Variants in BBS5 observed in about 807,000 individuals in gnomAD.
BBS5 encodes Bardet-Biedl syndrome 5.
In BBS5, 39 loss-of-function variants were observed where a neutral mutation model predicts 50.2. That is an observed-to-expected ratio of 0.78 (90% confidence interval 0.60 to 1.01). The LOEUF (loss-of-function observed/expected upper bound fraction) is 1.01, where lower values mean the gene tolerates loss of function less well. Ranked by LOEUF, BBS5 falls within the 50% of genes least tolerant of loss-of-function variation. The probability of loss-of-function intolerance (pLI) is 0.00; values close to 1 mark genes in which losing one functional copy is unlikely to be tolerated. For missense variants in BBS5, 356 were observed against 401.5 expected (o/e 0.89, Z 0.97); for synonymous variants, 134 against 133.1 (o/e 1.01, Z -0.05).
intron 2 of BBS5, among the ~76,000 whole-genome samples, chr2:169,482,971 A>G (rs879769282): frequency 2.0e-5 from 3 of 152,186 alleles, no homozygotes; most frequent in Admixed American, 2.0e-4. Context: ...TCTTGAAAGC[A>G]TCATTACTTC....
At chr2:169,495,274 G>A (rs946068591) in intron 7 of BBS5, among the ~76,000 whole-genome samples, 1 of 152,198 alleles carries the variant, frequency 6.6e-6, no homozygotes, top group Non-Finnish European at 1.5e-5. Context: ...ACAAATTGGT[G>A]TTTGTATTGC....
chr2:169,506,464 T>C lies in BBS5; in HGVS notation c.*1882T>C, dbSNP rs546680476. On this transcript the variant is annotated 3_prime_UTR_variant, in exon 12 of 12. Transcript: ENST00000295240. ...TCATTTTGTTCTGTACTAAGAAAAA[T>C]TCTTACCCTAAAACTTAAAGTATAA... 318 of 155,362 alleles carry C rather than the reference T, an allele frequency of 2.0e-3. 1 individual carries two copies. The highest frequency in any genetic ancestry group is 6.5e-3 in the Middle Eastern group (2 of 310). 9.6% of individuals were successfully genotyped at this position (155,362 alleles called of 1,614,324 possible). A position where few individuals can be genotyped will look rare whatever the true frequency, so the allele number is the denominator to read the frequency against.
chr2:169,496,024 A>T (rs907296947), intron 7 of BBS5, among the ~76,000 whole-genome samples: 3 of 152,184 alleles, frequency 2.0e-5, no homozygotes, highest in African/African-American at 7.2e-5. Flanking sequence ...AGGTTTTCGT[A>T]ACAATTATCA....
At chr2:169,481,410 T>C (rs1683394383) in intron 1 of BBS5, among the ~76,000 whole-genome samples, 1 of 152,160 alleles carries the variant, frequency 6.6e-6, no homozygotes, top group Non-Finnish European at 1.5e-5. Context: ...AAAGGCAGGG[T>C]CTGCTGCAGA....
intron 7 of BBS5, among the ~76,000 whole-genome samples, chr2:169,496,676 C>T (rs1352273242): frequency 1.3e-5 from 2 of 151,584 alleles, no homozygotes; most frequent in East Asian, 2.0e-4. Context: ...GAGACCATCC[C>T]GGCTAAAACG....
intron 8 of BBS5, among the ~76,000 whole-genome samples, chr2:169,498,156 TAC>T (rs201544553): frequency 1.4e-4 from 21 of 152,288 alleles, no homozygotes; most frequent in East Asian, 9.6e-4. Flanking sequence ...TATATTTGTG[TAC>T]ACACACACAG....
chr2:169,480,319 G>A (rs1683366924), intron 1 of BBS5, among the ~76,000 whole-genome samples: 1 of 152,192 alleles, frequency 6.6e-6, no homozygotes, highest in Admixed American at 6.5e-5. Flanking sequence ...ATCCAGGGCG[G>A]GAAATGCCGG....
In BBS5 at chr2:169,497,657, G is replaced by T. The variant is rs1427534237; in HGVS notation, c.649G>T (p.Gly217Cys). 2 of 1,599,296 alleles carry T rather than the reference G, an allele frequency of 1.3e-6. No homozygotes were observed. The highest frequency in any genetic ancestry group is 1.7e-4 in the Middle Eastern group (1 of 6,026). The stretch of plus-strand genomic sequence containing the variant: ...AATAAAGATTAGAGATTCAAAATTT[G>T]GTTTAGCTCTTGTCATAGAAAGCTC... ...RSIKIRDSKF[G>C]LALVIESSQQ... is the part of the protein sequence containing the mutation. Residue 217 changes from glycine to cysteine, a missense_variant, in exon 8 of 12, where the codon GGT becomes TGT. Physicochemically the swap from Gly to Cys is radical, Grantham distance 159 (BLOSUM62 -3). Transcript: ENST00000295240.
At chr2:169,482,015 A>G (rs562962376) in intron 1 of BBS5, among the ~76,000 whole-genome samples, 2 of 152,178 alleles carry the variant, frequency 1.3e-5, no homozygotes, top group African/African-American at 4.8e-5. Context: ...TTATTTTTCA[A>G]AATTCAACAC....
At position 169,504,745 on chromosome 2, in the gene BBS5, A is replaced by G. The variant is rs1559126846; in HGVS notation, c.*163A>G. 7.0e-6 allele frequency: 9 copies of G among 1,290,796 alleles called. No individual in the cohort carries two copies. The highest frequency in any genetic ancestry group is 6.8e-5 in the Admixed American group (3 of 44,282). The allele number at this position is 1,290,796 out of a possible 1,614,324, so 80.0% of individuals were successfully genotyped here. On this transcript the variant is annotated 3_prime_UTR_variant, in exon 12 of 12. Coordinates refer to ENST00000295240, the MANE Select transcript of BBS5 (RefSeq NM_152384.3). ...AGGAAAAAGTCATTTAGAAAACTTC[A>G]GTTTTCGGCCAGCGCGTCGAGGGAG... is the stretch of plus-strand genomic sequence containing the variant.
intron 6 of BBS5, 81 bp downstream of exon 6, chr2:169,493,090 C>T: frequency 2.0e-6 from 3 of 1,490,364 alleles, no homozygotes; most frequent in Non-Finnish European, 2.8e-6. Context: ...TTTATATAGT[C>T]AATTCTAATT....
chr2:169,490,339 G>A (rs1415503379), intron 5 of BBS5, among the ~76,000 whole-genome samples: 9 of 151,658 alleles, frequency 5.9e-5, no homozygotes, highest in South Asian at 4.2e-4. Flanking sequence ...GACTACAGGC[G>A]CCTGCCACCA....
rs1683876665 is a variant in BBS5, at chr2:169,504,904, C to G, written c.*322C>G. The G allele has an allele frequency of 6.2e-7, 1 of 1,613,786 alleles. No homozygotes were observed. Among genetic ancestry groups the G allele is most frequent in the East Asian group, 2.2e-5 (1 of 44,862 alleles). ...ACGCCCGGCTGCAAATTCGCCCAGC[C>G]AATGGGGACGTTGCGGCCCAGTGGG... On this transcript the variant is annotated 3_prime_UTR_variant, in exon 12 of 12. Coordinates refer to ENST00000295240, the MANE Select transcript of BBS5 (RefSeq NM_152384.3).
chr2:169,482,221 A>G (rs1683409187), intron 1 of BBS5, 30 bp from the exon 2 acceptor site: 4 of 1,421,202 alleles, frequency 2.8e-6, no homozygotes, highest in Middle Eastern at 1.8e-4. Flanking sequence ...AGTTGTAGCT[A>G]TAAAATTCAA....
At chr2:169,491,958 G>C (rs1362143619) in intron 5 of BBS5, among the ~76,000 whole-genome samples, 1 of 151,922 alleles carries the variant, frequency 6.6e-6, no homozygotes, top group South Asian at 2.1e-4. Context: ...CACCACACCC[G>C]GCTAATTCTT....
At position 169,504,784 on chromosome 2, in the gene BBS5, A is replaced by C; in HGVS notation, c.*202A>C. The C allele has an allele frequency of 1.3e-6, 2 of 1,481,520 alleles. No individual in the cohort carries two copies. Among genetic ancestry groups the C allele is most frequent in the Non-Finnish European group, 1.8e-6 (2 of 1,088,444 alleles). 91.8% of individuals were successfully genotyped at this position (1,481,520 alleles called of 1,614,324 possible). On this transcript the variant is annotated 3_prime_UTR_variant, in exon 12 of 12. Coordinates refer to ENST00000295240, the MANE Select transcript of BBS5 (RefSeq NM_152384.3). ...GCGTCGAGGGAGGGGCCAGCGACAC[A>C]TGGCCTAGTAACCGTCCGGCCGCGG...
At position 169,505,358 on chromosome 2, in the gene BBS5, G is replaced by T. The variant is rs1683891780; in HGVS notation, c.*776G>T. ...GGCCTCCCGAAGTGCCAAGAGTGCA[G>T]CCTCTGCCCGGCCGCCACCCCGTCT... On this transcript the variant is annotated 3_prime_UTR_variant, in exon 12 of 12. Coordinates refer to ENST00000295240, the MANE Select transcript of BBS5 (RefSeq NM_152384.3). 2.8e-6 allele frequency: 1 copy of T among 356,992 alleles called. No homozygotes were observed. The highest frequency in any genetic ancestry group is 2.2e-5 in the South Asian group (1 of 44,908). The allele number at this position is 356,992 out of a possible 1,614,324, so 22.1% of individuals were successfully genotyped here. A position where few individuals can be genotyped will look rare whatever the true frequency, so the allele number is the denominator to read the frequency against.
intron 6 of BBS5, 187 bp downstream of exon 6, chr2:169,493,196 T>C: frequency 1.5e-6 from 1 of 675,964 alleles, no homozygotes; most frequent in East Asian, 2.9e-5. Flanking sequence ...CAATGAAATA[T>C]CTGATAATCC....
At position 169,488,035 on chromosome 2, in the gene BBS5, A is replaced by G; in HGVS notation, c.307A>G (p.Ser103Gly). The change falls in exon 5 of 12, where the codon AGT becomes GGT. Residue 103 changes from serine (S) to glycine (G), a missense_variant. Coordinates refer to ENST00000295240, the MANE Select transcript of BBS5 (RefSeq NM_152384.3). ...EALYILTKCN[S>G]TRFEFIFTNL... is the part of the protein sequence containing the mutation. ...TCTCTATATACTAACAAAATGTAAC[A>G]GTACTCGTTTTGAATTTATATTTAC... 1 of 1,613,614 alleles carries G rather than the reference A, an allele frequency of 6.2e-7. No individual in the cohort carries two copies. Among genetic ancestry groups the G allele is most frequent in the Non-Finnish European group, 8.5e-7 (1 of 1,179,604 alleles).
Sources: allele counts gnomAD v4.1 joint callset (sites outside exome capture counted in the v4.1 genomes callset), GRCh38; gene constraint gnomAD v4.1.1; transcripts MANE v1.5; gene names NCBI Gene and HGNC (gene_info 2026-07-23, HGNC 2026-07-21).